MIPOL1: variants seen among roughly 807,000 people sequenced by gnomAD.
The protein encoded by MIPOL1 is mirror-image polydactyly 1.
Under a neutral mutation model 60.9 loss-of-function variants are expected in MIPOL1, and 57 were observed. That is an observed-to-expected ratio of 0.94 (90% CI 0.76 to 1.17). MIPOL1 has a LOEUF of 1.17. Ranked by LOEUF, MIPOL1 falls within the 50% of genes most tolerant of loss-of-function variation. The pLI is 0.00. For missense variants in MIPOL1, 551 were observed against 511.6 expected, an observed-to-expected ratio of 1.08 and a Z score of -0.74; for synonymous variants, 179 against 168.8, an observed-to-expected ratio of 1.06 and a Z score of -0.47.
chr14:37,403,458 T>G (rs1210643059), intron 10 of MIPOL1, among the ~76,000 whole-genome samples: 1 of 117,662 alleles, frequency 8.5e-6, no homozygotes, highest in African/African-American at 3.3e-5. Context: ...TTTTTTCAAG[T>G]AGAGATGGAG....
Position 37,318,920 on chromosome 14 carries a change from G to A in MIPOL1, c.828+10401G>A, listed in dbSNP as rs1236185615. Among the ~76,000 whole-genome samples, 5 of 151,976 alleles carry A rather than the reference G, an allele frequency of 3.3e-5. 1 individual carries two copies. In the South Asian group the frequency reaches 1.0e-3, roughly 31 times the overall value. ...CATGGCCGTGGTTCAGCTCACTGCA[G>A]CCTTGACGTCCCAGGCTCAGGTGAT... On this transcript the variant is annotated intron_variant, in intron 9 of 12. Transcript: ENST00000684589.
At chr14:37,295,532 C>A (rs1462581071) in intron 7 of MIPOL1, among the ~76,000 whole-genome samples, 3 of 152,052 alleles carry the variant, frequency 2.0e-5, no homozygotes, top group African/African-American at 7.2e-5. Flanking sequence ...GAGTCAAGAC[C>A]CATCAGTATG....
intron 1 of MIPOL1, among the ~76,000 whole-genome samples, chr14:37,238,564 A>C (rs1971843862): frequency 6.6e-6 from 1 of 152,198 alleles, no homozygotes; most frequent in Non-Finnish European, 1.5e-5. Context: ...ATAATATAAA[A>C]TGTCAGGTTA....
chr14:37,344,153 T>C (rs1411958239), intron 9 of MIPOL1, among the ~76,000 whole-genome samples: 1 of 152,030 alleles, frequency 6.6e-6, no homozygotes, highest in Non-Finnish European at 1.5e-5. Flanking sequence ...AGCATCCAGT[T>C]TAATTTTCAA....
intron 10 of MIPOL1, among the ~76,000 whole-genome samples, chr14:37,404,453 T>C (rs2093551434): frequency 6.6e-6 from 1 of 152,206 alleles, no homozygotes; most frequent in South Asian, 2.1e-4. Flanking sequence ...TTCAAAGAAC[T>C]TAAGTGCTTA....
At chr14:37,227,720 A>G (rs1448794250) in intron 1 of MIPOL1, 1 of 152,178 alleles carries the variant, frequency 6.6e-6, no homozygotes, top group African/African-American at 2.4e-5. Context: ...TGTTTCACTC[A>G]TACAGAGTTT....
intron 7 of MIPOL1, among the ~76,000 whole-genome samples, chr14:37,298,167 C>A (rs1232743389): frequency 6.6e-6 from 1 of 152,168 alleles, no homozygotes; most frequent in Non-Finnish European, 1.5e-5. Flanking sequence ...ACTATCTGAT[C>A]TTTGACAAAC....
intron 10 of MIPOL1, among the ~76,000 whole-genome samples, chr14:37,407,805 C>CCAG (rs1555333826): frequency 2.0e-5 from 3 of 149,240 alleles, no homozygotes; most frequent in Non-Finnish European, 4.5e-5. Flanking sequence ...TTTATATCTC[C>CCAG]CAGTATGCTT....
intron 11 of MIPOL1, among the ~76,000 whole-genome samples, chr14:37,459,177 A>T (rs1015928075): frequency 1.3e-5 from 2 of 152,150 alleles, no homozygotes; most frequent in Admixed American, 6.5e-5. Context: ...TCAGAGCAGA[A>T]CTAAATGACA....
At chr14:37,338,412 CCCT>C (rs1438767036) in intron 9 of MIPOL1, among the ~76,000 whole-genome samples, 10 of 10,436 alleles carry the variant, frequency 9.6e-4, no homozygotes, top group Non-Finnish European at 2.4e-3. Context: ...GCCTGGCCCC[CCCT>C]TTTTTTTTTT....
intron 7 of MIPOL1, among the ~76,000 whole-genome samples, chr14:37,307,679 T>C (rs554042381): frequency 6.6e-6 from 1 of 151,978 alleles, no homozygotes; most frequent in Non-Finnish European, 1.5e-5. Context: ...GTTTTACTTA[T>C]GATGGTGTCC....
chr14:37,458,552 C>T (rs1015764439), intron 11 of MIPOL1, among the ~76,000 whole-genome samples: 1 of 152,110 alleles, frequency 6.6e-6, no homozygotes, highest in Non-Finnish European at 1.5e-5. Flanking sequence ...TGAAGCCAGT[C>T]ACAGTGGCTC....
At chr14:37,504,350 T>C (rs1303365396) in intron 12 of MIPOL1, 1 of 152,138 alleles carries the variant, frequency 6.6e-6, no homozygotes, top group Admixed American at 6.5e-5. Flanking sequence ...GACCACATAA[T>C]TGGAAGTAAA....
At chr14:37,428,846 T>A (rs2094011503) in intron 11 of MIPOL1, among the ~76,000 whole-genome samples, 1 of 152,114 alleles carries the variant, frequency 6.6e-6, no homozygotes. Context: ...TGGTCTTTTG[T>A]TTCTTTTGGC....
At chr14:37,422,705 T>C in intron 10 of MIPOL1, 150 bp from the exon 11 acceptor site, 1 of 558,194 alleles carries the variant, frequency 1.8e-6, no homozygotes, top group Admixed American at 3.5e-5. Flanking sequence ...CTTTAGACTA[T>C]TTTCTGGTAA....
At chr14:37,391,401 C>CTTTT (rs10656096) in intron 10 of MIPOL1, among the ~76,000 whole-genome samples, 5 of 145,192 alleles carry the variant, frequency 3.4e-5, no homozygotes, top group Admixed American at 1.4e-4. Flanking sequence ...GAAGCCTAAT[C>CTTTT]TTTTTTTTTT....
At chr14:37,229,819 A>G (rs1970331966) in intron 1 of MIPOL1, among the ~76,000 whole-genome samples, 1 of 152,346 alleles carries the variant, frequency 6.6e-6, no homozygotes, top group Admixed American at 6.5e-5. Flanking sequence ...AAAACTATAT[A>G]TGTTACAAAA....
At chr14:37,360,328 C>T (rs1050587069) in intron 9 of MIPOL1, among the ~76,000 whole-genome samples, 1 of 152,056 alleles carries the variant, frequency 6.6e-6, no homozygotes, top group Non-Finnish European at 1.5e-5. Flanking sequence ...GGTGATGTTG[C>T]CTCATAAAAT....
At chr14:37,417,404 A>G (rs2093789801) in intron 10 of MIPOL1, among the ~76,000 whole-genome samples, 1 of 152,218 alleles carries the variant, frequency 6.6e-6, no homozygotes. Flanking sequence ...TCTGATAAAC[A>G]GAGAGACATG....
Sources: allele counts gnomAD v4.1 joint callset (sites outside exome capture counted in the v4.1 genomes callset), GRCh38; gene constraint gnomAD v4.1.1; transcripts MANE v1.5; gene names NCBI Gene and HGNC (gene_info 2026-07-23, HGNC 2026-07-21).